The following USH2A variants were observed in gnomAD, a reference collection of about 807,000 sequenced individuals.
USH2A encodes the protein Usher syndrome 2A (autosomal recessive, mild).
A neutral mutation model predicts 538.9 loss-of-function variants in USH2A; 443 were observed. The ratio of observed to expected loss-of-function variants is 0.82; its 90% CI spans 0.76 to 0.89. The LOEUF (loss-of-function observed/expected upper bound fraction) is 0.89, where lower values mean the gene tolerates loss of function less well. Ranked by LOEUF, USH2A falls within the 40% of genes least tolerant of loss-of-function variation. The pLI is 0.00. For missense variants in USH2A, 6,633 were observed against 6,324.8 expected (o/e 1.05, Z -1.65); for synonymous variants, 2,413 against 2,273.5 (o/e 1.06, Z -1.75).
At chr1:215,799,331 C>T (rs1046110966) in intron 49 of USH2A, among the ~76,000 whole-genome samples, 1 of 152,186 alleles carries the variant, frequency 6.6e-6, no homozygotes, top group Admixed American at 6.5e-5. Context: ...ACACACATGG[C>T]AACTTACAGG....
intron 32 of USH2A, among the ~76,000 whole-genome samples, chr1:216,012,191 G>A (rs1233458111): frequency 6.7e-6 from 1 of 149,008 alleles, no homozygotes; most frequent in Non-Finnish European, 1.5e-5. Context: ...CACCAGCAAA[G>A]GCAGGCTATG....
chr1:215,903,891 T>A (rs1485132698), intron 38 of USH2A, among the ~76,000 whole-genome samples: 1 of 152,154 alleles, frequency 6.6e-6, no homozygotes. Context: ...ATCCACTTCT[T>A]ACCTTCACAT....
Position 216,382,345 on chromosome 1 carries a change from T to G in USH2A, c.652-17260A>C, listed in dbSNP as rs559058044. Among the ~76,000 whole-genome samples the G allele has an allele frequency of 2.6e-5, 4 of 152,216 alleles. No individual in the cohort carries two copies. The South Asian group carries it at 8.3e-4, about 32-fold the overall frequency. The stretch of plus-strand genomic sequence containing the variant: ...AAGTAGGATTAAGCGGAATAAATAG[T>G]AAGGGAGAGTATTCTTGGTAAAGAA... On this transcript the variant is annotated intron_variant, in intron 3 of 71. Coordinates refer to ENST00000307340, the MANE Select transcript of USH2A (RefSeq NM_206933.4).
chr1:215,827,632 A>G (rs1393612133), intron 47 of USH2A, among the ~76,000 whole-genome samples: 1 of 152,190 alleles, frequency 6.6e-6, no homozygotes, highest in Non-Finnish European at 1.5e-5. Flanking sequence ...CCATAAGGCT[A>G]TTGATTGGAT....
At position 215,925,955 on chromosome 1, in the gene USH2A, A is replaced by G. The variant is rs112623432; in HGVS notation, c.7300+8661T>C. Among the ~76,000 whole-genome samples the G allele has an allele frequency of 2.0e-4, 31 of 152,228 alleles. 1 individual carries two copies. Among genetic ancestry groups the G allele is most frequent in the African/African-American group, 7.2e-4 (30 of 41,568 alleles). On this transcript the variant is annotated intron_variant, in intron 38 of 71. Coordinates refer to ENST00000307340, the MANE Select transcript of USH2A (RefSeq NM_206933.4). ...TTGTACTAAGTTGATTTTAAAAGGC[A>G]TAGAGTGAGCTGAGATTGCGCCACT...
At chr1:216,006,333 C>T (rs1486062921) in intron 32 of USH2A, among the ~76,000 whole-genome samples, 1 of 152,170 alleles carries the variant, frequency 6.6e-6, no homozygotes, top group Non-Finnish European at 1.5e-5. Context: ...ACACAATGTC[C>T]AGTCTCTTGG....
intron 32 of USH2A, among the ~76,000 whole-genome samples, chr1:216,023,181 A>G (rs1306743928): frequency 6.6e-6 from 1 of 152,018 alleles, no homozygotes; most frequent in Non-Finnish European, 1.5e-5. Flanking sequence ...ATCTATATCT[A>G]TATCTATATA....
intron 51 of USH2A, among the ~76,000 whole-genome samples, chr1:215,788,222 T>G (rs540913927): frequency 3.9e-5 from 6 of 152,230 alleles, no homozygotes; most frequent in Non-Finnish European, 8.8e-5. Flanking sequence ...GCAGAGACAA[T>G]GCAATGTGCT....
chr1:215,797,216 T>C (rs1311820115), intron 50 of USH2A, among the ~76,000 whole-genome samples: 2 of 152,098 alleles, frequency 1.3e-5, no homozygotes, highest in East Asian at 1.9e-4. Context: ...TGCAGAAGAA[T>C]AGATGAAAGC....
chr1:216,335,182 C>A (rs555399618), intron 4 of USH2A, among the ~76,000 whole-genome samples: 15 of 151,422 alleles, frequency 9.9e-5, no homozygotes, highest in Non-Finnish European at 1.8e-4. Flanking sequence ...GAAAATTAAC[C>A]CATTCCTAAT....
intron 40 of USH2A, among the ~76,000 whole-genome samples, chr1:215,899,353 C>G (rs532353434): frequency 5.3e-5 from 8 of 152,292 alleles, no homozygotes; most frequent in African/African-American, 1.2e-4. Context: ...ATACAATGTC[C>G]TTATTCACTC....
In USH2A at chr1:215,888,461, G is replaced by A. The variant is rs768532694; in HGVS notation, c.8188C>T (p.Pro2730Ser). The change falls in exon 41 of 72, where the codon CCT becomes TCT. Residue 2730 changes from proline to serine, a missense_variant. Physicochemically the swap from Pro to Ser is moderately conservative, Grantham distance 74. Coordinates refer to ENST00000307340, the MANE Select transcript of USH2A (RefSeq NM_206933.4). ...TCGGGTTCCAGCACTGTCACCACAG[G>A]TGGCTGCACCCCAGCAGGTCGTGAG... ...RPSRPAGVQPPVVTVLEPDAV... is the reference protein window; with the variant it reads ...RPSRPAGVQPSVVTVLEPDAV... The A allele has an allele frequency of 4.3e-6, 7 of 1,613,750 alleles. No homozygotes were observed. The highest frequency in any genetic ancestry group is 1.7e-5 in the Admixed American group (1 of 60,030).
In USH2A at chr1:216,352,213, C is replaced by T. The variant is rs184954648; in HGVS notation, c.784+12740G>A. On this transcript the variant is annotated intron_variant, in intron 4 of 71. Coordinates refer to ENST00000307340, the MANE Select transcript of USH2A (RefSeq NM_206933.4). ...TTAAGGGAGTGAGTGTCTGTAGACA[C>T]GGGAGCAGAGCTAAGTCTTAAGGCT... Among the ~76,000 whole-genome samples the T allele has an allele frequency of 3.0e-4, 46 of 151,896 alleles. No individual in the cohort carries two copies. In the East Asian group the frequency reaches 7.2e-3, roughly 24 times the overall value.
chr1:216,020,232 C>T (rs1305551632), intron 32 of USH2A, among the ~76,000 whole-genome samples: 2 of 152,086 alleles, frequency 1.3e-5, no homozygotes, highest in African/African-American at 4.8e-5. Flanking sequence ...ACAACTTGGC[C>T]AGGCTATGGT....
intron 44 of USH2A, among the ~76,000 whole-genome samples, chr1:215,854,632 T>C (rs997487425): frequency 6.6e-6 from 1 of 152,158 alleles, no homozygotes; most frequent in Non-Finnish European, 1.5e-5. Context: ...GGCTCCCAAA[T>C]GGGTCTTCCA....
At chr1:216,268,365 A>C (rs944448964) in intron 11 of USH2A, among the ~76,000 whole-genome samples, 10 of 152,110 alleles carry the variant, frequency 6.6e-5, no homozygotes, top group African/African-American at 2.2e-4. Flanking sequence ...TGAGCATAAT[A>C]ATATCTACCT....
At chr1:215,879,632 C>T (rs1018931074) in intron 41 of USH2A, among the ~76,000 whole-genome samples, 2 of 152,096 alleles carry the variant, frequency 1.3e-5, no homozygotes, top group Non-Finnish European at 1.5e-5. Flanking sequence ...TATAACTTAG[C>T]AATTAAAGCA....
chr1:215,760,229 C>T (rs978150710), intron 56 of USH2A, among the ~76,000 whole-genome samples: 13 of 152,090 alleles, frequency 8.5e-5, no homozygotes, highest in Non-Finnish European at 1.9e-4. Context: ...AATGAGTGCA[C>T]TTTCCCTTCT....
intron 40 of USH2A, among the ~76,000 whole-genome samples, chr1:215,897,407 T>C (rs1382249233): frequency 6.6e-6 from 1 of 151,834 alleles, no homozygotes; most frequent in Non-Finnish European, 1.5e-5. Context: ...GCACTTTGGG[T>C]TGGGTGAGGT....
Sources: gnomAD v4.1 joint callset for allele counts (sites outside exome capture counted in the v4.1 genomes callset) on GRCh38, gnomAD v4.1.1 for gene constraint, MANE v1.5 for transcripts, NCBI Gene and HGNC (gene_info 2026-07-23, HGNC 2026-07-21) for gene names.